The following EYS variants were observed in gnomAD, a reference collection of about 807,000 sequenced individuals.
EYS encodes protein eyes shut homolog.
In EYS, 250 loss-of-function variants were observed where a neutral mutation model predicts 282.1. The ratio of observed to expected loss-of-function variants is 0.89; its 90% CI spans 0.80 to 0.98. The LOEUF is 0.98. Ranked by LOEUF, EYS falls within the 50% of genes least tolerant of loss-of-function variation. The pLI is 0.00. For synonymous variants in EYS, 1,355 were observed against 1,282.9 expected (o/e 1.06, Z -1.20); for missense variants, 4,016 against 3,709.0 (o/e 1.08, Z -2.15).
chr6:64,844,906 C>T (rs932590168), intron 19 of EYS, among the ~76,000 whole-genome samples: 14 of 152,116 alleles, frequency 9.2e-5, no homozygotes, highest in Admixed American at 3.9e-4. Flanking sequence ...TTTTAGATGA[C>T]TGATATTATA....
intron 2 of EYS, among the ~76,000 whole-genome samples, chr6:65,536,161 G>A (rs548233721): frequency 6.6e-6 from 1 of 151,862 alleles, no homozygotes; most frequent in Non-Finnish European, 1.5e-5. Flanking sequence ...AGAATCATAC[G>A]ACTATAGAAG....
At position 63,734,157 on chromosome 6, in the gene EYS, CTA is replaced by C. The variant is rs1175126609; in HGVS notation, c.8072-7479_8072-7478del. On this transcript the variant is annotated intron_variant, in intron 41 of 42. Transcript: ENST00000503581. The stretch of plus-strand genomic sequence containing the variant: ...GCAGATGGGAGTAAGGGTTGAAAAA[CTA>C]TATTGAGTACTATGCTCACTACCTG... Among the ~76,000 whole-genome samples the C allele has an allele frequency of 2.6e-5, 4 of 152,228 alleles. No individual in the cohort carries two copies. The East Asian group carries it at 5.8e-4, about 22-fold the overall frequency.
intron 2 of EYS, among the ~76,000 whole-genome samples, chr6:65,586,970 C>T (rs915874126): frequency 1.3e-5 from 2 of 151,980 alleles, no homozygotes; most frequent in Non-Finnish European, 1.5e-5. Flanking sequence ...ACTCTAAATA[C>T]ATGCTTTTAT....
intron 33 of EYS, among the ~76,000 whole-genome samples, chr6:64,023,634 C>T (rs1364330818): frequency 6.6e-6 from 1 of 152,240 alleles, no homozygotes. Flanking sequence ...TGCGCCCTCA[C>T]TAGCTCTCGG....
intron 31 of EYS, among the ~76,000 whole-genome samples, chr6:64,170,890 A>G (rs1764457439): frequency 6.6e-6 from 1 of 152,008 alleles, no homozygotes; most frequent in Admixed American, 6.6e-5. Context: ...ATCTTTTTAA[A>G]TCACTCTGCT....
chr6:64,502,264 G>A (rs767444282), intron 26 of EYS, among the ~76,000 whole-genome samples: 1 of 151,058 alleles, frequency 6.6e-6, no homozygotes, highest in Non-Finnish European at 1.5e-5. Context: ...TTTTTTTGCC[G>A]GAGTCTCCCT....
intron 1 of EYS, among the ~76,000 whole-genome samples, chr6:65,706,310 T>A (rs898248005): frequency 6.6e-6 from 1 of 151,914 alleles, no homozygotes; most frequent in Non-Finnish European, 1.5e-5. Flanking sequence ...TAATATTGTA[T>A]ACTAAGTAAT....
chr6:65,323,247 GA>G (rs1410545157), intron 11 of EYS, among the ~76,000 whole-genome samples: 1 of 143,818 alleles, frequency 7.0e-6, no homozygotes, highest in Non-Finnish European at 1.5e-5. Flanking sequence ...CTATAAATAA[GA>G]CTCTCATGAT....
At chr6:64,863,870 T>C (rs9351457) in intron 19 of EYS, among the ~76,000 whole-genome samples, 23,628 of 152,148 alleles carry the variant, frequency 0.16, 2,159 homozygotes, top group East Asian at 0.49. Flanking sequence ...CCTGAGAAGC[T>C]GCCTCCTTTC....
At chr6:64,979,249 G>GT (rs1309526759) in intron 14 of EYS, among the ~76,000 whole-genome samples, 1 of 151,700 alleles carries the variant, frequency 6.6e-6, no homozygotes, top group African/African-American at 2.4e-5. Context: ...AGTTATGCCC[G>GT]TATTTTAACA....
intron 26 of EYS, among the ~76,000 whole-genome samples, chr6:64,463,093 C>A (rs1013906307): frequency 2.0e-5 from 3 of 151,742 alleles, no homozygotes; most frequent in Non-Finnish European, 4.4e-5. Context: ...ACTACAGGTG[C>A]CCGCCACCAC....
intron 28 of EYS, among the ~76,000 whole-genome samples, chr6:64,420,091 T>C (rs577946824): frequency 2.0e-5 from 3 of 152,286 alleles, no homozygotes; most frequent in East Asian, 3.9e-4. Flanking sequence ...CTAGATTTCA[T>C]ACCTCTGAAA....
chr6:65,024,542 G>T (rs181979975), intron 13 of EYS, among the ~76,000 whole-genome samples: 2 of 152,216 alleles, frequency 1.3e-5, no homozygotes, highest in East Asian at 3.9e-4. Flanking sequence ...GAATTCATGC[G>T]TCACGAATGT....
intron 14 of EYS, among the ~76,000 whole-genome samples, chr6:64,954,431 G>A (rs988774963): frequency 6.6e-6 from 1 of 152,056 alleles, no homozygotes; most frequent in African/African-American, 2.4e-5. Context: ...GACAATTAGA[G>A]ATATAGTCTA....
intron 22 of EYS, among the ~76,000 whole-genome samples, chr6:64,706,239 G>T (rs1483349494): frequency 6.6e-6 from 1 of 152,060 alleles, no homozygotes; most frequent in Non-Finnish European, 1.5e-5. Context: ...ACTATTCAAC[G>T]AATGGTGATG....
intron 16 of EYS, among the ~76,000 whole-genome samples, chr6:64,906,629 T>C (rs994288349): frequency 2.0e-5 from 3 of 152,190 alleles, no homozygotes; most frequent in South Asian, 2.1e-4. Context: ...AGGATCCCAA[T>C]TGTAAATCAA....
intron 22 of EYS, among the ~76,000 whole-genome samples, chr6:64,661,641 A>C: frequency 6.6e-6 from 1 of 150,620 alleles, no homozygotes. Context: ...AATGCTCATC[A>C]TCACTGGCCA....
intron 22 of EYS, among the ~76,000 whole-genome samples, chr6:64,774,018 A>G (rs1262056099): frequency 6.6e-6 from 1 of 151,910 alleles, no homozygotes; most frequent in African/African-American, 2.4e-5. Context: ...TCCTATGTCC[A>G]GATAATGAGG....
chr6:64,656,192 GA>G (rs5876913), intron 22 of EYS, among the ~76,000 whole-genome samples: 97,143 of 151,576 alleles, frequency 0.64, 31,317 homozygotes, highest in African/African-American at 0.71. Flanking sequence ...TAGTATCACA[GA>G]AAAAAAAATA....
Sources: gnomAD v4.1 joint callset for allele counts (sites outside exome capture counted in the v4.1 genomes callset) on GRCh38, gnomAD v4.1.1 for gene constraint, MANE v1.5 for transcripts, NCBI Gene and HGNC (gene_info 2026-07-23, HGNC 2026-07-21) for gene names.